The following DOK5 variants were observed in gnomAD, a reference collection of about 807,000 sequenced individuals.
DOK5 encodes downstream of tyrosine kinase 5.
In DOK5, 27 loss-of-function variants were observed where a neutral mutation model predicts 43.3. That is an observed-to-expected ratio of 0.62 (90% CI 0.46 to 0.86). DOK5 has a LOEUF of 0.86. Among genes scored for constraint, DOK5 ranks in the 40% least tolerant of loss-of-function variants. The pLI is 0.00. For missense variants in DOK5, 373 were observed against 392.9 expected, an observed-to-expected ratio of 0.95 and a Z score of 0.43; for synonymous variants, 146 against 140.1, an observed-to-expected ratio of 1.04 and a Z score of -0.30.
chr20:54,601,024 A>G (rs1363442853), intron 5 of DOK5, among the ~76,000 whole-genome samples: 1 of 152,214 alleles, frequency 6.6e-6, no homozygotes, highest in Non-Finnish European at 1.5e-5. Context: ...TATGGTCTTA[A>G]GTCTTGGATG....
chr20:54,480,237 A>G (rs1600648213), intron 1 of DOK5, among the ~76,000 whole-genome samples: 1 of 152,164 alleles, frequency 6.6e-6, no homozygotes, highest in South Asian at 2.1e-4. Flanking sequence ...ATTCCCAGAC[A>G]GTTAAGGCAT....
intron 1 of DOK5, among the ~76,000 whole-genome samples, chr20:54,483,702 C>T (rs576113469): frequency 5.8e-4 from 89 of 152,294 alleles, no homozygotes; most frequent in African/African-American, 1.1e-3. Context: ...GCGACCCCCC[C>T]GTTCCTGTGA....
chr20:54,516,022 A>C (rs190137025), intron 1 of DOK5, among the ~76,000 whole-genome samples: 1 of 152,296 alleles, frequency 6.6e-6, no homozygotes, highest in East Asian at 1.9e-4. Flanking sequence ...GGGAAAGCAA[A>C]AGGAGAAATG....
At chr20:54,552,176 C>A (rs1382987792) in intron 1 of DOK5, among the ~76,000 whole-genome samples, 1 of 152,102 alleles carries the variant, frequency 6.6e-6, no homozygotes. Context: ...CAAACAAAAC[C>A]CAAAATCTAT....
chr20:54,536,322 T>C (rs1983962833), intron 1 of DOK5, among the ~76,000 whole-genome samples: 2 of 152,188 alleles, frequency 1.3e-5, no homozygotes, highest in Admixed American at 1.3e-4. Context: ...GTGACTTTAT[T>C]GTCTCCATCA....
chr20:54,618,687 A>T (rs1288664053), intron 6 of DOK5, among the ~76,000 whole-genome samples: 2 of 152,096 alleles, frequency 1.3e-5, no homozygotes, highest in Non-Finnish European at 2.9e-5. Context: ...AGTACCTTTC[A>T]GAAGCATCTA....
intron 6 of DOK5, among the ~76,000 whole-genome samples, chr20:54,621,062 G>A (rs1301448081): frequency 2.0e-5 from 3 of 152,156 alleles, no homozygotes; most frequent in Non-Finnish European, 4.4e-5. Flanking sequence ...TCATATCAAC[G>A]TGTGTAAAGG....
intron 6 of DOK5, among the ~76,000 whole-genome samples, chr20:54,638,856 A>AT (rs1978974239): frequency 7.2e-6 from 1 of 139,194 alleles, no homozygotes; most frequent in Admixed American, 7.9e-5. Context: ...TAACTTTTGT[A>AT]TTTTTAGTAG....
chr20:54,593,260 GA>G (rs11432564), intron 5 of DOK5, among the ~76,000 whole-genome samples: 3,222 of 142,368 alleles, frequency 0.023, 93 homozygotes, highest in African/African-American at 0.073. Context: ...CTGTCTCCCA[GA>G]AAAAAAAAAA....
chr20:54,481,176 A>ATCTATCTC (rs1981703796), intron 1 of DOK5, among the ~76,000 whole-genome samples: 1 of 137,652 alleles, frequency 7.3e-6, no homozygotes, highest in African/African-American at 2.6e-5. Flanking sequence ...CTATCTATCT[A>ATCTATCTC]TCTATATTTT....
intron 6 of DOK5, 62 bp downstream of exon 6, chr20:54,610,585 T>C (rs1568809302): frequency 1.5e-6 from 2 of 1,355,518 alleles, no homozygotes; most frequent in East Asian, 2.7e-5. Context: ...AATTGGGTCA[T>C]TTTTGTGCTG....
At chr20:54,594,298 G>A (rs577859706) in intron 5 of DOK5, among the ~76,000 whole-genome samples, 7 of 152,278 alleles carry the variant, frequency 4.6e-5, no homozygotes, top group African/African-American at 1.7e-4. Flanking sequence ...AGACTGAGGT[G>A]GGAGGATCAC....
At chr20:54,478,098 GGT>G (rs946828768) in intron 1 of DOK5, among the ~76,000 whole-genome samples, 1 of 152,138 alleles carries the variant, frequency 6.6e-6, no homozygotes, top group Non-Finnish European at 1.5e-5. Flanking sequence ...ATTGAATTAT[GGT>G]TATTGCTCAT....
intron 1 of DOK5, among the ~76,000 whole-genome samples, chr20:54,542,111 C>CACACAG (rs1568774871): frequency 6.0e-4 from 91 of 151,498 alleles, no homozygotes; most frequent in African/African-American, 2.2e-3. Context: ...CACACACACA[C>CACACAG]ACACACACAC....
At chr20:54,629,454 G>A (rs909312816) in intron 6 of DOK5, among the ~76,000 whole-genome samples, 4 of 152,140 alleles carry the variant, frequency 2.6e-5, no homozygotes, top group Non-Finnish European at 4.4e-5. Flanking sequence ...CTGTCCCATC[G>A]TCCCAGACAC....
intron 2 of DOK5, among the ~76,000 whole-genome samples, chr20:54,585,992 T>TG (rs1275042318): frequency 1.3e-5 from 2 of 152,078 alleles, no homozygotes; most frequent in Non-Finnish European, 2.9e-5. Context: ...AGTGTGGTGG[T>TG]GGGCGCCTGT....
At chr20:54,579,527 A>G (rs1009197061) in intron 2 of DOK5, among the ~76,000 whole-genome samples, 1 of 152,066 alleles carries the variant, frequency 6.6e-6, no homozygotes, top group African/African-American at 2.4e-5. Flanking sequence ...TGTGACTAGA[A>G]TTCTATATTC....
intron 2 of DOK5, among the ~76,000 whole-genome samples, chr20:54,587,140 C>T: frequency 6.6e-6 from 1 of 152,094 alleles, no homozygotes; most frequent in East Asian, 1.9e-4. Flanking sequence ...AATAAACAAA[C>T]ACATCAACAG....
At chr20:54,594,438 A>G (rs1169612149) in intron 5 of DOK5, among the ~76,000 whole-genome samples, 1 of 152,058 alleles carries the variant, frequency 6.6e-6, no homozygotes, top group African/African-American at 2.4e-5. Context: ...GAAAATGAAT[A>G]ATTTTTTTTG....
Sources: allele counts gnomAD v4.1 joint callset (sites outside exome capture counted in the v4.1 genomes callset), GRCh38; gene constraint gnomAD v4.1.1; transcripts MANE v1.5; gene names NCBI Gene and HGNC (gene_info 2026-07-23, HGNC 2026-07-21).